VWA8: variants seen among roughly 807,000 people sequenced by gnomAD.
VWA8 encodes von Willebrand factor A domain-containing protein 8.
Under a neutral mutation model 241.5 loss-of-function variants are expected in VWA8, and 221 were observed. The observed-to-expected ratio is 0.91, with a 90% CI of 0.82 to 1.02. The LOEUF is 1.02. VWA8 is among the 50% of genes least tolerant of loss of function. The probability of loss-of-function intolerance (pLI) is 0.00; values close to 1 mark genes in which losing one functional copy is unlikely to be tolerated. For missense variants in VWA8, 2,322 were observed against 2,328.7 expected (o/e 1.00, Z 0.06); for synonymous variants, 852 against 827.1 (o/e 1.03, Z -0.52).
chr13:41,885,987 T>TG lies in VWA8; in HGVS notation c.907dup (p.Gln303ProfsTer15), dbSNP rs1490746875. ...TGGAAGTCCAAGAGTAGAAGATTCT[T>TG]GGGAACACAGAGTTGTGGCAAAGGA... On this transcript the variant is annotated frameshift_variant, in exon 8 of 45. Coordinates refer to ENST00000379310, the MANE Select transcript of VWA8 (RefSeq NM_015058.2). LOFTEE classifies it high-confidence loss of function. 6.2e-7 allele frequency: 1 copy of TG among 1,607,522 alleles called. No homozygotes were observed. The highest frequency in any genetic ancestry group is 8.5e-7 in the Non-Finnish European group (1 of 1,178,402).
intron 12 of VWA8, among the ~76,000 whole-genome samples, chr13:41,851,369 T>A (rs1203173339): frequency 6.6e-6 from 1 of 152,236 alleles, no homozygotes; most frequent in African/African-American, 2.4e-5. Flanking sequence ...TCACTTAGCA[T>A]AATGTCCTCC....
At chr13:41,787,153 A>G (rs555978147) in intron 18 of VWA8, among the ~76,000 whole-genome samples, 11 of 147,424 alleles carry the variant, frequency 7.5e-5, no homozygotes, top group Non-Finnish European at 1.3e-4. Flanking sequence ...AAGTTGATTT[A>G]CAGCAGGAAT....
intron 20 of VWA8, among the ~76,000 whole-genome samples, chr13:41,766,038 A>C (rs1408191237): frequency 6.6e-6 from 1 of 152,174 alleles, no homozygotes; most frequent in Non-Finnish European, 1.5e-5. Context: ...CCGGGTTAGG[A>C]GAAGCAGGAA....
chr13:41,594,074 C>G (rs967077350), intron 40 of VWA8, among the ~76,000 whole-genome samples: 1 of 151,776 alleles, frequency 6.6e-6, no homozygotes, highest in Non-Finnish European at 1.5e-5. Flanking sequence ...ATGCTTTTAC[C>G]ATGTAAAGAG....
intron 12 of VWA8, among the ~76,000 whole-genome samples, chr13:41,843,709 C>T (rs1264663648): frequency 6.6e-6 from 1 of 151,600 alleles, no homozygotes; most frequent in African/African-American, 2.4e-5. Context: ...CTACTATGAA[C>T]ACCTCTCTGC....
At chr13:41,745,063 TC>T (rs1453749515) in intron 21 of VWA8, among the ~76,000 whole-genome samples, 2 of 151,990 alleles carry the variant, frequency 1.3e-5, no homozygotes, top group African/African-American at 4.8e-5. Flanking sequence ...GATGGTCTCA[TC>T]TCCTGACCTC....
At chr13:41,811,432 G>A in intron 16 of VWA8, 92 bp from the exon 17 acceptor site, 1 of 981,542 alleles carries the variant, frequency 1.0e-6, no homozygotes, top group Non-Finnish European at 1.5e-6. Context: ...CATTATTACT[G>A]AAGGGGTAAG....
chr13:41,704,604 G>A (rs939581466), intron 26 of VWA8, among the ~76,000 whole-genome samples: 2 of 151,984 alleles, frequency 1.3e-5, no homozygotes, highest in Admixed American at 6.6e-5. Context: ...AGGGACTACA[G>A]GCATGCAAAA....
intron 2 of VWA8, chr13:41,927,274 G>T: frequency 2.0e-6 from 1 of 507,482 alleles, no homozygotes; most frequent in Non-Finnish European, 4.0e-6. Context: ...TCTATTTCCT[G>T]CTATAAAACC....
intron 4 of VWA8, among the ~76,000 whole-genome samples, chr13:41,892,616 C>T (rs1216904489): frequency 6.6e-6 from 1 of 152,190 alleles, no homozygotes; most frequent in Non-Finnish European, 1.5e-5. Context: ...CTAATGACCC[C>T]CCAGAATCTT....
chr13:41,871,056 T>C (rs564489259), intron 9 of VWA8, among the ~76,000 whole-genome samples: 4 of 152,270 alleles, frequency 2.6e-5, no homozygotes, highest in African/African-American at 7.2e-5. Flanking sequence ...AAATCACCCT[T>C]ACCTCTGTCT....
At chr13:41,738,664 CT>C (rs1171949152) in intron 21 of VWA8, among the ~76,000 whole-genome samples, 8 of 152,236 alleles carry the variant, frequency 5.3e-5, no homozygotes, top group Non-Finnish European at 1.0e-4. Flanking sequence ...TGAAAACTAG[CT>C]TTCCAGCTTG....
chr13:41,865,876 G>C, intron 11 of VWA8, 26 bp downstream of exon 11: 1 of 1,614,164 alleles, frequency 6.2e-7, no homozygotes, highest in Non-Finnish European at 8.5e-7. Context: ...GAAACTAAAA[G>C]TCTGCAGTGA....
chr13:41,947,962 A>AAAT (rs1877940239), intron 2 of VWA8, among the ~76,000 whole-genome samples: 1 of 148,974 alleles, frequency 6.7e-6, no homozygotes, highest in Non-Finnish European at 1.5e-5. Context: ...AACAAAACAA[A>AAAT]ACATTTTGGT....
intron 1 of VWA8, among the ~76,000 whole-genome samples, chr13:41,954,492 A>G (rs1878273991): frequency 6.6e-6 from 1 of 152,168 alleles, no homozygotes; most frequent in African/African-American, 2.4e-5. Flanking sequence ...CCTCTACACA[A>G]CTACTACTGA....
intron 20 of VWA8, among the ~76,000 whole-genome samples, chr13:41,764,221 A>G (rs2045763178): frequency 6.6e-6 from 1 of 152,164 alleles, no homozygotes; most frequent in Admixed American, 6.5e-5. Context: ...CCCTTCTGCA[A>G]AACGTCATTA....
At chr13:41,707,801 C>T (rs2045291684) in intron 26 of VWA8, among the ~76,000 whole-genome samples, 1 of 152,150 alleles carries the variant, frequency 6.6e-6, no homozygotes, top group South Asian at 2.1e-4. Context: ...TCTGCTCTGG[C>T]CTCCTTGGTG....
At chr13:41,708,219 G>A (rs2045294667) in intron 26 of VWA8, among the ~76,000 whole-genome samples, 3 of 152,124 alleles carry the variant, frequency 2.0e-5, no homozygotes, top group African/African-American at 7.2e-5. Context: ...AAATTAGCCA[G>A]GCGTGGTGGC....
At chr13:41,750,706 T>C (rs2045649537) in intron 21 of VWA8, among the ~76,000 whole-genome samples, 1 of 152,136 alleles carries the variant, frequency 6.6e-6, no homozygotes, top group Non-Finnish European at 1.5e-5. Flanking sequence ...TGCAACCTTG[T>C]GCTAAGACTT....
Sources: gnomAD v4.1 joint callset for allele counts (sites outside exome capture counted in the v4.1 genomes callset) on GRCh38, gnomAD v4.1.1 for gene constraint, MANE v1.5 for transcripts, NCBI Gene and HGNC (gene_info 2026-07-23, HGNC 2026-07-21) for gene names.